Variants in CROCC observed in about 807,000 individuals in gnomAD.
The protein encoded by CROCC is ciliary rootlet coiled-coil, rootletin, also known as rootletin.
Under a neutral mutation model 245.2 loss-of-function variants are expected in CROCC, and 180 were observed. The observed-to-expected ratio is 0.73, with a 90% CI of 0.65 to 0.83. CROCC has a LOEUF of 0.83. Ranked by LOEUF, CROCC falls within the 40% of genes least tolerant of loss-of-function variation. The probability of loss-of-function intolerance (pLI) is 0.00; values close to 1 mark genes in which losing one functional copy is unlikely to be tolerated. For synonymous variants in CROCC, 1,205 were observed against 1,241.6 expected (o/e 0.97, Z 0.62); for missense variants, 2,688 against 2,779.4 (o/e 0.97, Z 0.74).
At chr1:16,935,924 G>A (rs1175952740) in intron 8 of CROCC, among the ~76,000 whole-genome samples, 17 of 152,260 alleles carry the variant, frequency 1.1e-4, no homozygotes, top group East Asian at 5.8e-4. Context: ...AGGAGGAGCC[G>A]GTGGGGAAGG....
At position 16,966,428 on chromosome 1, in the gene CROCC, C is replaced by T. The variant is rs1277646247; in HGVS notation, c.4717C>T (p.Arg1573Trp). The T allele has an allele frequency of 2.0e-6, 3 of 1,535,186 alleles. No individual in the cohort carries two copies. The highest frequency in any genetic ancestry group is 2.4e-5 in the East Asian group (1 of 41,010). ...SEEARRSVDG[R>W]LSGVQAELAL... Reference sequence around the variant, plus strand: ...TACAGCCCGGCGCAGTGTGGATGGGCGGCTGAGCGGGGTCCAGGCGGAGCT... The same window carrying T: ...TACAGCCCGGCGCAGTGTGGATGGGTGGCTGAGCGGGGTCCAGGCGGAGCT... The change falls in exon 30 of 37, where the codon CGG (arginine) becomes TGG (tryptophan). Residue 1573 changes from arginine (R) to tryptophan (W), a missense_variant. Physicochemically the swap from Arg to Trp is moderately radical, Grantham distance 101. Transcript: ENST00000375541. This position sits in a 1 kb window ranked among gnomAD's most constrained non-coding sequence, Gnocchi z 4.8.
rs920419778 is a variant in CROCC at position 16,950,350 on chromosome 1, A to C, written c.2837-603A>C. Among the ~76,000 whole-genome samples, 3 of 145,280 alleles carry C rather than the reference A, an allele frequency of 2.1e-5. No homozygotes were observed. In the Admixed American group the frequency reaches 2.1e-4, roughly 10 times the overall value. ...GAGTGCTGGATTACAGGCATGAGCCACTGCGCCCGGCCTATTTGTTTTTTT... is the reference window on the plus strand; with the variant it reads ...GAGTGCTGGATTACAGGCATGAGCCCCTGCGCCCGGCCTATTTGTTTTTTT... On this transcript the variant is annotated intron_variant, in intron 19 of 36. Transcript: ENST00000375541.
chr1:16,969,578 A>G (rs2100557998), intron 32 of CROCC, among the ~76,000 whole-genome samples: 1 of 152,292 alleles, frequency 6.6e-6, no homozygotes, highest in South Asian at 2.1e-4. Context: ...ACCCAGGGGC[A>G]GGGTTTATTG....
chr1:16,971,443 G>T, intron 35 of CROCC, 22 bp from the exon 36 acceptor site: 1 of 1,524,618 alleles, frequency 6.6e-7, no homozygotes, highest in Non-Finnish European at 8.8e-7. Flanking sequence ...GCCAGAACGC[G>T]GACCACAGCC....
intron 30 of CROCC, among the ~76,000 whole-genome samples, chr1:16,967,329 G>C (rs1466160445): frequency 6.6e-6 from 1 of 152,198 alleles, no homozygotes; most frequent in Admixed American, 6.5e-5. Flanking sequence ...GGTGGTGACA[G>C]TGCAGCCAAA....
In CROCC at chr1:16,931,380, G is replaced by A. The variant is rs759605409; in HGVS notation, c.939G>A (p.Val313=). 1.9e-6 allele frequency: 3 copies of A among 1,611,710 alleles called. No individual in the cohort carries two copies. The highest frequency in any genetic ancestry group is 1.7e-5 in the Admixed American group (1 of 59,962). ...GGTTCCGGCGGCTGGTCAGCGAGGT[G>A]AAGATGTTCACTGAGAGGTGAGGCC... The part of the protein sequence containing the change: ...VVGFRRLVSE[V]KMFTERDLLQ... Residue 313 remains valine, a synonymous_variant, in exon 8 of 37, where the codon GTG becomes GTA. Coordinates refer to ENST00000375541, the MANE Select transcript of CROCC (RefSeq NM_014675.5).
upstream of CROCC, among the ~76,000 whole-genome samples, chr1:16,919,519 T>C (rs1463147619): frequency 1.3e-5 from 2 of 152,290 alleles, no homozygotes; most frequent in Admixed American, 6.5e-5. Flanking sequence ...GGCAAAACTC[T>C]TCAGTCACCA....
chr1:16,932,307 G>C lies in CROCC; in HGVS notation c.956+910G>C, dbSNP rs375889304. Among the ~76,000 whole-genome samples the C allele has an allele frequency of 1.2e-3, 179 of 152,314 alleles. No individual in the cohort carries two copies. In the East Asian group the frequency reaches 0.03, roughly 26 times the overall value. On this transcript the variant is annotated intron_variant, in intron 8 of 36. Transcript: ENST00000375541. ...AATACAAAATTAGCCGGGCATAGTGGTGCATGCCTGTAATCCCAGCTACTC... is the reference window on the plus strand; with the variant it reads ...AATACAAAATTAGCCGGGCATAGTGCTGCATGCCTGTAATCCCAGCTACTC...
chr1:16,939,338 T>C (rs1296552282), intron 12 of CROCC, among the ~76,000 whole-genome samples, 196 bp downstream of exon 12: 5 of 152,198 alleles, frequency 3.3e-5, no homozygotes, highest in African/African-American at 1.2e-4. Context: ...GGCCGAGAGC[T>C]CTGCGGTGAA....
intron 19 of CROCC, among the ~76,000 whole-genome samples, chr1:16,949,352 T>G (rs1157789188): frequency 6.6e-6 from 1 of 152,216 alleles, no homozygotes; most frequent in Non-Finnish European, 1.5e-5. Flanking sequence ...ACTCAGGGCT[T>G]CTTTCTGCTC....
At chr1:16,924,825 T>C (rs1475948738) in intron 3 of CROCC, among the ~76,000 whole-genome samples, 2 of 152,276 alleles carry the variant, frequency 1.3e-5, no homozygotes, top group East Asian at 3.8e-4. Flanking sequence ...CCCTTGAGTT[T>C]CTGGGCATCT....
At chr1:16,969,467 C>G (rs1570720966) in intron 32 of CROCC, 127 bp downstream of exon 32, 1 of 988,420 alleles carries the variant, frequency 1.0e-6, no homozygotes, top group East Asian at 2.6e-5. Flanking sequence ...TGAGAGCAGG[C>G]TTTGAAGGGA....
At position 16,959,767 on chromosome 1, in the gene CROCC, G is replaced by GAAC. The variant is rs1313756990; in HGVS notation, c.4033-989_4033-987dup. On this transcript the variant is annotated intron_variant, in intron 26 of 36. Transcript: ENST00000375541. ...CGGCAATGTAGCCTAGTGGTTAAGG[G>GAAC]AACAGCCTCTGGACACAGCTCCCTT... is the stretch of plus-strand genomic sequence containing the variant. Among the ~76,000 whole-genome samples the GAAC allele has an allele frequency of 3.9e-5, 6 of 152,222 alleles. No homozygotes were observed. The East Asian group carries it at 7.7e-4, about 20-fold the overall frequency.
chr1:16,953,782 T>C, intron 21 of CROCC: 1 of 343,788 alleles, frequency 2.9e-6, no homozygotes, highest in South Asian at 3.8e-5. Context: ...TCCTCATGGC[T>C]GCCTTCTGAG....
intron 30 of CROCC, among the ~76,000 whole-genome samples, chr1:16,967,059 GAAAA>G (rs55810091): frequency 1.3e-5 from 2 of 150,044 alleles, no homozygotes; most frequent in Non-Finnish European, 3.0e-5. Flanking sequence ...AAAAAGAAAA[GAAAA>G]AAAAAAGAAG....
At chr1:16,922,883 G>A in intron 2 of CROCC, 85 bp downstream of exon 2, 1 of 1,527,140 alleles carries the variant, frequency 6.5e-7, no homozygotes, top group Non-Finnish European at 8.8e-7. Flanking sequence ...TCACCATGAT[G>A]ATCATGACTG....
upstream of CROCC, among the ~76,000 whole-genome samples, chr1:16,919,228 G>A (rs2075354639): frequency 6.6e-6 from 1 of 152,294 alleles, no homozygotes; most frequent in African/African-American, 2.4e-5. Flanking sequence ...TACAGAAGTA[G>A]AGCCTCAAAG....
At chr1:16,949,279 A>T (rs2076118796) in intron 19 of CROCC, among the ~76,000 whole-genome samples, 1 of 152,148 alleles carries the variant, frequency 6.6e-6, no homozygotes, top group Non-Finnish European at 1.5e-5. Context: ...TGCTTTTCAG[A>T]TGACTCTCTT....
chr1:16,924,000 A>G (rs1316535762), intron 2 of CROCC, among the ~76,000 whole-genome samples: 1 of 152,274 alleles, frequency 6.6e-6, no homozygotes, highest in East Asian at 1.9e-4. Context: ...AGATAAGTAA[A>G]TCTGAGGCCC....
Sources: allele counts gnomAD v4.1 joint callset (sites outside exome capture counted in the v4.1 genomes callset), GRCh38; gene constraint gnomAD v4.1.1; non-coding constraint Gnocchi (gnomAD v3.1); transcripts MANE v1.5; gene names NCBI Gene and HGNC (gene_info 2026-07-23, HGNC 2026-07-21).